PHB1: variants seen among roughly 807,000 people sequenced by gnomAD.
PHB1 encodes the protein epididymis luminal protein 215.
chr17:49,409,507 TA>T, the PHB1 span: 1 of 1,234,332 alleles, frequency 8.1e-7, no homozygotes. Flanking sequence ...GAGTTAAAAA[TA>T]AAAACCACTG....
At chr17:49,409,528 AAG>A in the PHB1 span, 1 of 1,410,302 alleles carries the variant, frequency 7.1e-7, no homozygotes, top group Non-Finnish European at 9.7e-7. Flanking sequence ...GTAGGAAAAC[AAG>A]TGTTTTTTTT....
At chr17:49,411,769 C>T in the PHB1 span, 1 of 1,614,098 alleles carries the variant, frequency 6.2e-7, no homozygotes, top group Non-Finnish European at 8.5e-7. Flanking sequence ...GAAAATGAGT[C>T]CCTTCCCCTA....
At chr17:49,413,794 C>T in the PHB1 span, among the ~76,000 whole-genome samples, 1 of 152,062 alleles carries the variant, frequency 6.6e-6, no homozygotes, top group Non-Finnish European at 1.5e-5. Context: ...CAGGCATGAG[C>T]CATCATGCCT....
chr17:49,406,795 C>T, the PHB1 span: 3 of 1,614,040 alleles, frequency 1.9e-6, no homozygotes, highest in East Asian at 2.2e-5. Flanking sequence ...CTGCTTCCTG[C>T]TGAGCCACCT....
chr17:49,414,285 A>G, the PHB1 span: 1 of 152,110 alleles, frequency 6.6e-6, no homozygotes, highest in Non-Finnish European at 1.5e-5. Context: ...TAAGAACGAC[A>G]TGCTTCTTAT....
the PHB1 span, chr17:49,407,205 A>C: frequency 4.2e-6 from 1 of 240,742 alleles, no homozygotes; most frequent in East Asian, 8.7e-5. Context: ...GACCCCCGCC[A>C]CTGACTAGTG....
At chr17:49,404,711 C>T in the PHB1 span, 2 of 465,586 alleles carry the variant, frequency 4.3e-6, no homozygotes, top group Non-Finnish European at 7.9e-6. Context: ...GGCCGGAACT[C>T]CAGCAGGCCC....
the PHB1 span, among the ~76,000 whole-genome samples, chr17:49,406,024 T>C: frequency 6.6e-6 from 1 of 152,172 alleles, no homozygotes; most frequent in African/African-American, 2.4e-5. Context: ...AATTTTGAAA[T>C]GACTGGGCCC....
At chr17:49,405,076 C>T in the PHB1 span, 7 of 1,608,428 alleles carry the variant, frequency 4.4e-6, no homozygotes, top group Non-Finnish European at 5.9e-6. Flanking sequence ...ACGCGATGTC[C>T]TCTGCAGCTT....
chr17:49,405,666 T>C, the PHB1 span, among the ~76,000 whole-genome samples: 2 of 152,006 alleles, frequency 1.3e-5, no homozygotes, highest in South Asian at 2.1e-4. Flanking sequence ...TCCTGGCACT[T>C]TGGGAGGCGG....
At chr17:49,408,315 G>A in the PHB1 span, among the ~76,000 whole-genome samples, 6 of 152,300 alleles carry the variant, frequency 3.9e-5, no homozygotes, top group Middle Eastern at 3.4e-3. Flanking sequence ...AGCAATGCAC[G>A]GGAGAACTGA....
chr17:49,405,048 G>A, the PHB1 span: 7 of 1,582,362 alleles, frequency 4.4e-6, no homozygotes, highest in Non-Finnish European at 6.0e-6. Context: ...GTGATGTTCC[G>A]AGAGCGTGAG....
At chr17:49,413,928 T>C in the PHB1 span, among the ~76,000 whole-genome samples, 1 of 152,044 alleles carries the variant, frequency 6.6e-6, no homozygotes, top group South Asian at 2.1e-4. Flanking sequence ...AACCACCCTC[T>C]CATTTCCTGG....
chr17:49,406,723 G>A, the PHB1 span: 2 of 1,437,008 alleles, frequency 1.4e-6, no homozygotes, highest in Non-Finnish European at 2.0e-6. Flanking sequence ...GGAGAAAGGG[G>A]AGAGAGAGGC....
the PHB1 span, chr17:49,411,776 C>T: frequency 6.2e-7 from 1 of 1,614,036 alleles, no homozygotes; most frequent in African/African-American, 1.3e-5. Flanking sequence ...AGTCCCTTCC[C>T]CTACCACAAT....
chr17:49,413,439 A>C, the PHB1 span: 2 of 589,596 alleles, frequency 3.4e-6, no homozygotes, highest in African/African-American at 1.9e-5. Context: ...ATACCTAATA[A>C]ATAATGCTTT....
At chr17:49,411,911 A>G in the PHB1 span, 8 of 1,416,386 alleles carry the variant, frequency 5.6e-6, no homozygotes, top group Non-Finnish European at 7.8e-6. Context: ...TGTCTTTGAA[A>G]GAGCCCTGGT....
chr17:49,414,491 C>T, the PHB1 span, among the ~76,000 whole-genome samples: 1 of 152,094 alleles, frequency 6.6e-6, no homozygotes, highest in African/African-American at 2.4e-5. Context: ...TCCGCCCCAC[C>T]GTCGTTGCCC....
chr17:49,407,194 A>G, the PHB1 span: 1 of 254,660 alleles, frequency 3.9e-6, no homozygotes, highest in Non-Finnish European at 7.9e-6. Context: ...GTGGGTTCTA[A>G]GACCCCCGCC....
Sources: gnomAD v4.1 joint callset for allele counts (sites outside exome capture counted in the v4.1 genomes callset) on GRCh38, gnomAD v4.1.1 for gene constraint, MANE v1.5 for transcripts, NCBI Gene and HGNC (gene_info 2026-07-23, HGNC 2026-07-21) for gene names.